The following SVOPL variants were observed in gnomAD, a reference collection of about 807,000 sequenced individuals.
The protein encoded by SVOPL is putative transporter SVOPL.
A neutral mutation model predicts 61.0 loss-of-function variants in SVOPL; 60 were observed. The observed-to-expected ratio is 0.98, with a 90% CI of 0.80 to 1.22. The LOEUF (loss-of-function observed/expected upper bound fraction) is 1.22. Among genes scored for constraint, SVOPL ranks in the 50% most tolerant of loss-of-function variants. SVOPL has a pLI of 0.00. For missense variants in SVOPL, 662 were observed against 643.9 expected (o/e 1.03, Z -0.30); for synonymous variants, 279 against 250.0 (o/e 1.12, Z -1.09).
At chr7:138,696,937 G>A (rs1803076840) in intron 1 of SVOPL, among the ~76,000 whole-genome samples, 1 of 152,176 alleles carries the variant, frequency 6.6e-6, no homozygotes, top group South Asian at 2.1e-4. Context: ...TATTGGGTCA[G>A]GGATAGGCAC....
At position 138,612,443 on chromosome 7, in the gene SVOPL, A is replaced by T. The variant is rs1202131663; in HGVS notation, c.1353+8603T>A. ...AAAAAATAAAATAAAAAATAAAAAA[A>T]AAATAAAAAAAAAAAAAAAAGAAAG... On this transcript the variant is annotated intron_variant, in intron 14 of 15. Coordinates refer to ENST00000674285, the MANE Select transcript of SVOPL (RefSeq NM_001139456.2). Among the ~76,000 whole-genome samples, 9 of 18,774 alleles carry T rather than the reference A, an allele frequency of 4.8e-4. 2 individuals carry two copies. The highest frequency in any genetic ancestry group is 1.0e-3 in the Non-Finnish European group (7 of 6,684). 12.3% of individuals were successfully genotyped at this position (18,774 alleles called of 152,430 possible).
chr7:138,614,263 G>C (rs1401195221), intron 14 of SVOPL, among the ~76,000 whole-genome samples: 1 of 152,122 alleles, frequency 6.6e-6, no homozygotes, highest in Admixed American at 6.6e-5. Context: ...CAGAGTCTCT[G>C]TTTGTCTACT....
chr7:138,678,638 G>T (rs529489258), intron 2 of SVOPL, 113 bp from the exon 3 acceptor site: 67 of 1,030,858 alleles, frequency 6.5e-5, no homozygotes, highest in Non-Finnish European at 9.1e-5. Context: ...AATACGGGGG[G>T]TCAGTGGTAG....
At chr7:138,664,579 T>C (rs1389906710) in intron 4 of SVOPL, among the ~76,000 whole-genome samples, 4 of 121,242 alleles carry the variant, frequency 3.3e-5, no homozygotes, top group Admixed American at 7.9e-5. Context: ...CTCCAGCGCC[T>C]TTAATCCTCC....
chr7:138,615,398 A>G (rs189411661), intron 14 of SVOPL, among the ~76,000 whole-genome samples: 1,578 of 152,186 alleles, frequency 0.01, 9 homozygotes, highest in Middle Eastern at 0.02. Context: ...TCTACTAAAA[A>G]TACAAAAAAT....
chr7:138,654,833 T>C (rs1025346383), intron 7 of SVOPL, among the ~76,000 whole-genome samples: 4 of 150,334 alleles, frequency 2.7e-5, no homozygotes, highest in Non-Finnish European at 5.9e-5. Context: ...CCACACAACA[T>C]AGTGAGACCA....
intron 14 of SVOPL, among the ~76,000 whole-genome samples, chr7:138,603,175 C>T (rs111758880): frequency 0.058 from 8,857 of 152,160 alleles, 296 homozygotes; most frequent in Middle Eastern, 0.095. Flanking sequence ...CAATAAATTA[C>T]AGATAATTTT....
At chr7:138,683,754 A>T (rs903797914) in intron 1 of SVOPL, among the ~76,000 whole-genome samples, 1 of 151,996 alleles carries the variant, frequency 6.6e-6, no homozygotes, top group South Asian at 2.1e-4. Flanking sequence ...AATATCCAAA[A>T]TATGTAAGAA....
At chr7:138,694,604 T>C (rs547418088) in intron 1 of SVOPL, among the ~76,000 whole-genome samples, 46 of 152,168 alleles carry the variant, frequency 3.0e-4, no homozygotes, top group African/African-American at 1.0e-3. Context: ...TGCTCACCAG[T>C]AGAGAAGTGG....
intron 1 of SVOPL, among the ~76,000 whole-genome samples, chr7:138,685,460 T>C (rs1359259130): frequency 1.3e-5 from 2 of 152,054 alleles, no homozygotes; most frequent in African/African-American, 4.8e-5. Context: ...CAGGGAAGTA[T>C]TAGTCAAAGG....
At chr7:138,669,735 G>A (rs1802369464) in intron 4 of SVOPL, among the ~76,000 whole-genome samples, 2 of 152,146 alleles carry the variant, frequency 1.3e-5, no homozygotes, top group African/African-American at 4.8e-5. Context: ...TGTGTAAAAG[G>A]CTATATACGT....
In SVOPL at chr7:138,636,475, TC is replaced by T. The variant is rs201317987; in HGVS notation, c.790-6354del. ...AAATCTCAAACTCTCATAGGATTTTTCTTTTTTTTTTTTGAGACAGAGTTTC... is the reference window on the plus strand; with the variant it reads ...AAATCTCAAACTCTCATAGGATTTTTTTTTTTTTTTTTGAGACAGAGTTTC... On this transcript the variant is annotated intron_variant, in intron 9 of 15. Transcript: ENST00000674285. Among the ~76,000 whole-genome samples, 1,025 of 146,940 alleles carry T rather than the reference TC, an allele frequency of 7.0e-3. 36 individuals are homozygous for T. The highest frequency in any genetic ancestry group is 0.016 in the African/African-American group (648 of 40,626).
intron 3 of SVOPL, among the ~76,000 whole-genome samples, chr7:138,676,985 C>A (rs543270068): frequency 1.4e-5 from 2 of 147,802 alleles, no homozygotes; most frequent in African/African-American, 5.0e-5. Context: ...CTCACTGCAA[C>A]CTCCACCTCC....
At chr7:138,655,587 C>A (rs530156547) in intron 7 of SVOPL, among the ~76,000 whole-genome samples, 5 of 149,872 alleles carry the variant, frequency 3.3e-5, no homozygotes, top group African/African-American at 9.9e-5. Context: ...ACACACACAC[C>A]CCTACACACA....
intron 14 of SVOPL, 178 bp from the exon 15 acceptor site, chr7:138,596,708 G>A: frequency 7.5e-7 from 1 of 1,328,374 alleles, no homozygotes; most frequent in African/African-American, 1.5e-5. Flanking sequence ...GTCATTTTGT[G>A]TGATTAGTCC....
chr7:138,641,272 CA>C (rs199906922), intron 9 of SVOPL, among the ~76,000 whole-genome samples: 17,348 of 131,292 alleles, frequency 0.13, 2,104 homozygotes, highest in African/African-American at 0.32. Flanking sequence ...ACAACTACAA[CA>C]AAAAAAAAAA....
At chr7:138,629,129 G>GTA (rs1295821496) in intron 10 of SVOPL, among the ~76,000 whole-genome samples, 1 of 56,546 alleles carries the variant, frequency 1.8e-5, no homozygotes, top group Non-Finnish European at 4.2e-5. Flanking sequence ...TTTTATATAT[G>GTA]TGTGTGTGTG....
chr7:138,677,928 A>G (rs999043798), intron 3 of SVOPL, among the ~76,000 whole-genome samples: 1 of 151,830 alleles, frequency 6.6e-6, no homozygotes, highest in African/African-American at 2.4e-5. Context: ...AAGCCCAGCT[A>G]ATTTTTGTGT....
At position 138,644,197 on chromosome 7, in the gene SVOPL, CAAAAAAAAAAA is replaced by C. The variant is rs71179714; in HGVS notation, c.789+509_789+519del. Among the ~76,000 whole-genome samples, 295 of 50,404 alleles carry C rather than the reference CAAAAAAAAAAA, an allele frequency of 5.9e-3. 4 individuals are homozygous for C. The highest frequency in any genetic ancestry group is 9.0e-3 in the Non-Finnish European group (229 of 25,372). The allele number at this position is 50,404 out of a possible 152,430, so 33.1% of individuals were successfully genotyped here. Reference sequence around the variant, plus strand: ...GCCTGGTGACAGAGCAAGACTCCATCAAAAAAAAAAAAAAAAAAAAAAAAAAAAAGGAACTC... The same window carrying C: ...GCCTGGTGACAGAGCAAGACTCCATCAAAAAAAAAAAAAAAAAAGGAACTC... On this transcript the variant is annotated intron_variant, in intron 9 of 15. Coordinates refer to ENST00000674285, the MANE Select transcript of SVOPL (RefSeq NM_001139456.2).
Sources: gnomAD v4.1 joint callset for allele counts (sites outside exome capture counted in the v4.1 genomes callset) on GRCh38, gnomAD v4.1.1 for gene constraint, MANE v1.5 for transcripts, NCBI Gene and HGNC (gene_info 2026-07-23, HGNC 2026-07-21) for gene names.